Variants in PKM observed in about 807,000 individuals in gnomAD.
The protein encoded by PKM is pyruvate kinase M1/2, also known as pyruvate kinase PKM.
PKM carries 18 observed loss-of-function variants against 49.8 expected under a neutral mutation model. That is an observed-to-expected ratio of 0.36 (90% confidence interval 0.25 to 0.54). The LOEUF (loss-of-function observed/expected upper bound fraction) is 0.54. Among genes scored for constraint, PKM ranks in the 20% least tolerant of loss-of-function variants. PKM has a pLI of 0.89. For synonymous variants in PKM, 239 were observed against 261.8 expected, an observed-to-expected ratio of 0.91 and a Z score of 0.84; for missense variants, 508 against 713.8, an observed-to-expected ratio of 0.71 and a Z score of 3.28.
chr15:72,228,628 T>C, intron 1 of PKM: 5 of 1,286,458 alleles, frequency 3.9e-6, no homozygotes, highest in South Asian at 1.2e-5. Context: ...TTGAGTCATC[T>C]TCCCCACAGA....
chr15:72,228,544 C>G, intron 1 of PKM: 1 of 837,576 alleles, frequency 1.2e-6, no homozygotes, highest in Non-Finnish European at 1.7e-6. Flanking sequence ...CTTTTTAAGC[C>G]TGCAAGAACC....
At chr15:72,220,705 T>TA (rs1567127679) in intron 1 of PKM, among the ~76,000 whole-genome samples, 1 of 152,224 alleles carries the variant, frequency 6.6e-6, no homozygotes, top group Admixed American at 6.5e-5. Flanking sequence ...TAGCACCTAG[T>TA]ATGTGGAAGC....
Position 72,214,306 on chromosome 15 carries a change from G to A in PKM, c.246+3103C>T, listed in dbSNP as rs74368115. Among the ~76,000 whole-genome samples, 17 of 152,282 alleles carry A rather than the reference G, an allele frequency of 1.1e-4. 1 individual carries two copies. The East Asian group carries it at 2.7e-3, about 24-fold the overall frequency. Reference sequence around the variant, plus strand: ...AACATGCATTTTTGGTCTTGGGGATGTAAAACCATATATTATAAACATACC... The same window carrying A: ...AACATGCATTTTTGGTCTTGGGGATATAAAACCATATATTATAAACATACC... On this transcript the variant is annotated intron_variant, in intron 3 of 10. Coordinates refer to ENST00000335181, the MANE Select transcript of PKM (RefSeq NM_002654.6).
intron 5 of PKM, chr15:72,209,441 G>A (rs10152494): frequency 0.16 from 2,163 of 13,112 alleles, 29 homozygotes; most frequent in South Asian, 0.27. Flanking sequence ...ATATATATAT[G>A]TATATATATA....
In PKM at chr15:72,206,899, T is replaced by C. The variant is rs1197210186; in HGVS notation, c.988-19A>G. The stretch of plus-strand genomic sequence containing the variant: ...CCAGCATCTGGGAGGGGACAGAGCA[T>C]TAGTGAGATGTAGCTTGAGCTGTCT... On this transcript the variant is annotated intron_variant, in intron 7 of 10. Coordinates refer to ENST00000335181, the MANE Select transcript of PKM (RefSeq NM_002654.6). 1.2e-6 allele frequency: 2 copies of C among 1,613,732 alleles called. No individual in the cohort carries two copies. The highest frequency in any genetic ancestry group is 1.7e-6 in the Non-Finnish European group (2 of 1,179,862).
In PKM at chr15:72,199,210, C is replaced by A. The variant is rs1376009677; in HGVS notation, c.*440G>T. 3 of 358,804 alleles carry A rather than the reference C, an allele frequency of 8.4e-6. No homozygotes were observed. In the Admixed American group the frequency reaches 1.1e-4, roughly 14 times the overall value. The allele number at this position is 358,804 out of a possible 1,614,324, so 22.2% of individuals were successfully genotyped here. A position where few individuals can be genotyped will look rare whatever the true frequency, so the allele number is the denominator to read the frequency against. ...AGAGAGCTAGAGAAGCAAGTAAGGG[C>A]CAGGGCCAGAGTCGGCTTCAATGGA... On this transcript the variant is annotated 3_prime_UTR_variant, in exon 11 of 11. Transcript: ENST00000335181.
At chr15:72,221,123 C>G (rs2082509911) in intron 1 of PKM, 1 of 1,102,170 alleles carries the variant, frequency 9.1e-7, no homozygotes, top group Non-Finnish European at 1.3e-6. Flanking sequence ...ATATGAGGGT[C>G]TTCCTGTAAA....
intron 1 of PKM, among the ~76,000 whole-genome samples, chr15:72,230,108 T>C (rs1014752779): frequency 1.3e-4 from 19 of 151,890 alleles, no homozygotes; most frequent in Admixed American, 2.6e-4. Flanking sequence ...CGCGGCGAGA[T>C]GGAGCGTGGT....
rs1014142979 is a variant in PKM, at chr15:72,207,337, T to C, written c.837-60A>G. 6 of 1,483,550 alleles carry C rather than the reference T, an allele frequency of 4.0e-6. No homozygotes were observed. The African/African-American group carries it at 6.9e-5, about 17-fold the overall frequency. 91.9% of individuals were successfully genotyped at this position (1,483,550 alleles called of 1,614,324 possible). The stretch of plus-strand genomic sequence containing the variant: ...AGAACAGAGGCCACAAGTATGGCAG[T>C]AGACAAGAAGTTTCCCTGGGATTCC... On this transcript the variant is annotated intron_variant, in intron 6 of 10. Transcript: ENST00000335181.
Position 72,202,764 on chromosome 15 carries a change from T to C in PKM, c.1141-144A>G, listed in dbSNP as rs2081976805. 3.9e-6 allele frequency: 3 copies of C among 762,754 alleles called. No individual in the cohort carries two copies. Among genetic ancestry groups the C allele is most frequent in the Middle Eastern group, 3.2e-4 (1 of 3,160 alleles). 47.2% of individuals were successfully genotyped at this position (762,754 alleles called of 1,614,324 possible). On this transcript the variant is annotated intron_variant, in intron 8 of 10. Transcript: ENST00000335181. The surrounding 1 kb of genome is among the most constrained non-coding windows in gnomAD (Gnocchi z 4.5). Reference sequence around the variant, plus strand: ...GGAACAAAGGCCAAGAGGAGCCCAATCACTGGAGATTCTGAGCTGAGCCAA... The same window carrying C: ...GGAACAAAGGCCAAGAGGAGCCCAACCACTGGAGATTCTGAGCTGAGCCAA...
rs183219342 is a variant in PKM at position 72,223,388 on chromosome 15, T to C, written c.-13-4278A>G. ...ATCACATAGATCAACTATAAAATGA[T>C]GGCACCTGATGCTCACTTTCTCCCT... On this transcript the variant is annotated intron_variant, in intron 1 of 10. Coordinates refer to ENST00000335181, the MANE Select transcript of PKM (RefSeq NM_002654.6). Among the ~76,000 whole-genome samples the C allele has an allele frequency of 7.2e-5, 11 of 152,296 alleles. No homozygotes were observed. The East Asian group carries it at 9.6e-4, about 13-fold the overall frequency.
At chr15:72,226,288 G>A (rs1483046582) in intron 1 of PKM, among the ~76,000 whole-genome samples, 1 of 152,194 alleles carries the variant, frequency 6.6e-6, no homozygotes, top group African/African-American at 2.4e-5. Flanking sequence ...AGCACTTTGG[G>A]AGGCCAAGAC....
In PKM at chr15:72,200,461, TC is replaced by T; in HGVS notation, c.1489+12del. 2 of 1,611,934 alleles carry T rather than the reference TC, an allele frequency of 1.2e-6. No homozygotes were observed. The highest frequency in any genetic ancestry group is 1.7e-6 in the Non-Finnish European group (2 of 1,179,376). ...AGCTCCTCTAGGCTCTAGCCCCTGC[TC>T]CAGCCACGTACCAACATTCATGGCA... On this transcript the variant is annotated intron_variant, in intron 10 of 10. Coordinates refer to ENST00000335181, the MANE Select transcript of PKM (RefSeq NM_002654.6). This position sits in a 1 kb window ranked among gnomAD's most constrained non-coding sequence, Gnocchi z 4.6.
Position 72,202,618 on chromosome 15 carries a change from A to G in PKM, c.1143T>C (p.Ile381=), listed in dbSNP as rs757225891. ...PLEAVRMQHL[I]AREAEAAIYH... The stretch of plus-strand genomic sequence containing the variant: ...AGATGGCAGCCTCTGCCTCACGGGC[A>G]ATCTAGGGGAGCAACATCCGTCCAG... The change falls in exon 9 of 11, where the codon ATT becomes ATC. Residue 381 remains isoleucine, a splice_region_variant and synonymous_variant. Transcript: ENST00000335181. The surrounding 1 kb of genome is among the most constrained non-coding windows in gnomAD (Gnocchi z 4.5). 2.5e-6 allele frequency: 4 copies of G among 1,612,394 alleles called. No homozygotes were observed. Among genetic ancestry groups the G allele is most frequent in the Non-Finnish European group, 2.5e-6 (3 of 1,179,364 alleles).
intron 4 of PKM, chr15:72,210,130 G>T (rs2082212094): frequency 6.1e-6 from 4 of 659,450 alleles, no homozygotes; most frequent in Non-Finnish European, 1.0e-5. Flanking sequence ...GGTTTTTAGG[G>T]TAAAAAAAAA....
intron 8 of PKM, chr15:72,203,348 G>C (rs2081994388): frequency 9.1e-6 from 6 of 661,394 alleles, no homozygotes; most frequent in Non-Finnish European, 1.1e-5. Context: ...GAGGTAGGGT[G>C]ATGAAAGTCC....
rs2081870200 is a variant in PKM, at chr15:72,199,316, A to G, written c.*334T>C. On this transcript the variant is annotated 3_prime_UTR_variant, in exon 11 of 11. Transcript: ENST00000335181. ...AGCCAGGGTTGGGAGTCCTCTGGGC[A>G]TCCATTTTTTCTAAAGGAACTGGAC... 2.2e-6 allele frequency: 1 copy of G among 455,868 alleles called. No homozygotes were observed. Among genetic ancestry groups the G allele is most frequent in the African/African-American group, 2.0e-5 (1 of 50,356 alleles). 28.2% of individuals were successfully genotyped at this position (455,868 alleles called of 1,614,324 possible).
chr15:72,209,342 C>A (rs1176373210), intron 5 of PKM, among the ~76,000 whole-genome samples: 1 of 147,800 alleles, frequency 6.8e-6, no homozygotes, highest in East Asian at 2.0e-4. Context: ...GCACTCCAGC[C>A]TGGGCAACAG....
At chr15:72,206,600 T>A in intron 8 of PKM, 128 bp downstream of exon 8, 1 of 908,998 alleles carries the variant, frequency 1.1e-6, no homozygotes, top group East Asian at 2.5e-5. Context: ...CTTGCTGCTG[T>A]AACTTGGAGG....
Sources: gnomAD v4.1 joint callset for allele counts (sites outside exome capture counted in the v4.1 genomes callset) on GRCh38, gnomAD v4.1.1 for gene constraint, Gnocchi (gnomAD v3.1) non-coding constraint, MANE v1.5 for transcripts, NCBI Gene and HGNC (gene_info 2026-07-23, HGNC 2026-07-21) for gene names.